Variants in DIP2C observed in about 807,000 individuals in gnomAD.
The protein encoded by DIP2C is disco-interacting protein 2 homolog C.
A neutral mutation model predicts 192.4 loss-of-function variants in DIP2C; 33 were observed. That is an observed-to-expected ratio of 0.17 (90% CI 0.13 to 0.23). The LOEUF is 0.23. DIP2C is among the 10% of genes least tolerant of loss of function. The pLI is 1.00. For missense variants in DIP2C, 1,537 were observed against 2,110.1 expected, an observed-to-expected ratio of 0.73 and a Z score of 5.32; for synonymous variants, 979 against 864.1, an observed-to-expected ratio of 1.13 and a Z score of -2.33.
chr10:475,817 G>A (rs1054160214), intron 2 of DIP2C, among the ~76,000 whole-genome samples: 1 of 152,172 alleles, frequency 6.6e-6, no homozygotes, highest in African/African-American at 2.4e-5. Flanking sequence ...CCACAAATAG[G>A]CGTCGCTCAA....
chr10:563,565 A>G (rs1159823313), intron 1 of DIP2C, among the ~76,000 whole-genome samples: 1 of 152,246 alleles, frequency 6.6e-6, no homozygotes, highest in African/African-American at 2.4e-5. Flanking sequence ...GAAAGCTAGA[A>G]AAATCAGAAG....
At chr10:333,406 T>C (rs555165912) in intron 29 of DIP2C, among the ~76,000 whole-genome samples, 36 of 152,356 alleles carry the variant, frequency 2.4e-4, no homozygotes, top group African/African-American at 7.9e-4. Context: ...GTCATCATTC[T>C]ACTTTGTTTA....
intron 8 of DIP2C, 72 bp downstream of exon 8, chr10:413,841 C>A: frequency 1.9e-6 from 3 of 1,549,850 alleles, no homozygotes; most frequent in Non-Finnish European, 2.6e-6. Flanking sequence ...TAAACGGACA[C>A]TGAGTTTCCT....
At chr10:334,613 G>A (rs895827519) in intron 29 of DIP2C, among the ~76,000 whole-genome samples, 17 of 152,096 alleles carry the variant, frequency 1.1e-4, no homozygotes, top group Non-Finnish European at 1.3e-4. Context: ...GGTATATGAC[G>A]TTGAGTCAAG....
chr10:397,561 T>C (rs967731512), intron 10 of DIP2C, among the ~76,000 whole-genome samples: 3 of 148,866 alleles, frequency 2.0e-5, no homozygotes, highest in South Asian at 2.1e-4. Context: ...AGGGAGCTGA[T>C]GGTTTAAGGG....
At chr10:442,138 A>G (rs998862940) in intron 3 of DIP2C, among the ~76,000 whole-genome samples, 1 of 152,190 alleles carries the variant, frequency 6.6e-6, no homozygotes, top group African/African-American at 2.4e-5. Context: ...ACCACCAACC[A>G]AAATGGCCAG....
chr10:423,497 T>C (rs1273702117), intron 4 of DIP2C, among the ~76,000 whole-genome samples: 1 of 152,226 alleles, frequency 6.6e-6, no homozygotes, highest in East Asian at 1.9e-4. Context: ...GTGTGTTAGA[T>C]ACCCATGCAG....
At chr10:307,247 A>G (rs545862183) in intron 32 of DIP2C, among the ~76,000 whole-genome samples, 136 of 152,340 alleles carry the variant, frequency 8.9e-4, no homozygotes, top group African/African-American at 3.1e-3. Flanking sequence ...GAAACAGACT[A>G]AGGCAAGAGG....
chr10:630,472 T>G (rs1420316883), intron 1 of DIP2C: 4 of 152,268 alleles, frequency 2.6e-5, no homozygotes, highest in African/African-American at 9.6e-5. Context: ...TAATAAGAAC[T>G]CTTCGATTTC....
chr10:463,316 T>C (rs1177043548), intron 3 of DIP2C, among the ~76,000 whole-genome samples: 1 of 152,134 alleles, frequency 6.6e-6, no homozygotes, highest in Admixed American at 6.6e-5. Context: ...GGATACAAAA[T>C]CAATGTGCAA....
In DIP2C at chr10:341,270, G is replaced by A. The variant is rs896345425; in HGVS notation, c.3513C>T (p.Tyr1171=). ...CRSIKLQCEL[Y]PSREVAICLD... ...GGCAGATGGCCACTTCTCTAGAGGG[G>A]TAAAGTTCACACTGCAGCTTAATGG... Residue 1171 remains tyrosine, a synonymous_variant, in exon 29 of 37, where the codon TAC becomes TAT. Coordinates refer to ENST00000280886, the MANE Select transcript of DIP2C (RefSeq NM_014974.3). 12 of 1,614,096 alleles carry A rather than the reference G, an allele frequency of 7.4e-6. No individual in the cohort carries two copies. The highest frequency in any genetic ancestry group is 3.3e-5 in the Admixed American group (2 of 60,010).
chr10:404,502 C>T (rs1238683547), intron 9 of DIP2C, among the ~76,000 whole-genome samples: 3 of 152,318 alleles, frequency 2.0e-5, no homozygotes, highest in South Asian at 4.1e-4. Context: ...AGTCACCGCA[C>T]CAGGCCTCAT....
At chr10:346,685 A>T (rs1338922951) in intron 26 of DIP2C, among the ~76,000 whole-genome samples, 91 of 70,116 alleles carry the variant, frequency 1.3e-3, no homozygotes, top group Non-Finnish European at 1.8e-3. Context: ...AACGTCACAC[A>T]CACCCAACCC....
intron 10 of DIP2C, among the ~76,000 whole-genome samples, chr10:396,470 GAAT>G (rs780748236): frequency 1.8e-4 from 27 of 152,232 alleles, no homozygotes; most frequent in Non-Finnish European, 3.2e-4. Flanking sequence ...TAATTGTTAC[GAAT>G]AACAATGATA....
At chr10:526,053 C>T (rs1847032508) in intron 1 of DIP2C, among the ~76,000 whole-genome samples, 1 of 152,246 alleles carries the variant, frequency 6.6e-6, no homozygotes, top group African/African-American at 2.4e-5. Flanking sequence ...ATGCTGCGCT[C>T]CTCTGTGCCT....
intron 1 of DIP2C, among the ~76,000 whole-genome samples, chr10:619,648 C>G (rs910398233): frequency 4.0e-5 from 6 of 151,816 alleles, no homozygotes; most frequent in African/African-American, 1.5e-4. Context: ...ACCTGGTTAC[C>G]CTCACCCACA....
chr10:508,599 C>T (rs1845789698), intron 1 of DIP2C, among the ~76,000 whole-genome samples: 1 of 152,190 alleles, frequency 6.6e-6, no homozygotes. Flanking sequence ...TGGTCCAGGA[C>T]TCTCTGGGAT....
intron 1 of DIP2C, among the ~76,000 whole-genome samples, chr10:554,529 A>T (rs765672362): frequency 4.6e-5 from 7 of 152,188 alleles, no homozygotes; most frequent in Non-Finnish European, 8.8e-5. Context: ...ACTTCACAAA[A>T]CCTTGGGCTG....
intron 9 of DIP2C, among the ~76,000 whole-genome samples, chr10:407,785 T>TTGG (rs1964913093): frequency 6.6e-6 from 1 of 152,228 alleles, no homozygotes; most frequent in Non-Finnish European, 1.5e-5. Flanking sequence ...GTTGCTTTTT[T>TTGG]TGGTGGTGGT....
Sources: allele counts gnomAD v4.1 joint callset (sites outside exome capture counted in the v4.1 genomes callset), GRCh38; gene constraint gnomAD v4.1.1; transcripts MANE v1.5; gene names NCBI Gene and HGNC (gene_info 2026-07-23, HGNC 2026-07-21).